The following DYNC1LI1 variants were observed in gnomAD, a reference collection of about 807,000 sequenced individuals.
The protein encoded by DYNC1LI1 is dynein cytoplasmic 1 light intermediate chain 1, also known as cytoplasmic dynein 1 light intermediate chain 1.
In DYNC1LI1, 19 loss-of-function variants were observed where a neutral mutation model predicts 63.8. The observed-to-expected ratio is 0.30, with a 90% CI of 0.21 to 0.44. The LOEUF is 0.44. Among genes scored for constraint, DYNC1LI1 ranks in the 20% least tolerant of loss-of-function variants. The pLI is 1.00. For synonymous variants in DYNC1LI1, 225 were observed against 232.3 expected, an observed-to-expected ratio of 0.97 and a Z score of 0.28; for missense variants, 565 against 630.2, an observed-to-expected ratio of 0.90 and a Z score of 1.11.
intron 2 of DYNC1LI1, among the ~76,000 whole-genome samples, chr3:32,551,641 T>C (rs1419248524): frequency 6.6e-6 from 1 of 152,006 alleles, no homozygotes; most frequent in Non-Finnish European, 1.5e-5. Flanking sequence ...AAAAATGAGG[T>C]AGTTCTGAAC....
chr3:32,547,084 A>G (rs1282388482), intron 2 of DYNC1LI1, among the ~76,000 whole-genome samples: 1 of 152,122 alleles, frequency 6.6e-6, no homozygotes, highest in Admixed American at 6.6e-5. Context: ...TCTACTAAAA[A>G]TACAAAAAAT....
intron 2 of DYNC1LI1, among the ~76,000 whole-genome samples, chr3:32,546,306 G>C (rs1292262874): frequency 6.6e-6 from 1 of 152,124 alleles, no homozygotes; most frequent in Non-Finnish European, 1.5e-5. Context: ...TGCTCAGGAG[G>C]CTGAGGCAGA....
chr3:32,550,706 T>C (rs1002528456), intron 2 of DYNC1LI1, among the ~76,000 whole-genome samples: 1 of 152,228 alleles, frequency 6.6e-6, no homozygotes, highest in Non-Finnish European at 1.5e-5. Flanking sequence ...AGAAGTTTGT[T>C]AAAACACAGA....
chr3:32,562,377 T>C (rs1167794050), intron 2 of DYNC1LI1, among the ~76,000 whole-genome samples: 2 of 152,234 alleles, frequency 1.3e-5, no homozygotes, highest in Non-Finnish European at 2.9e-5. Context: ...TCCCGCTCTG[T>C]CACCCAGGCT....
intron 4 of DYNC1LI1, 62 bp downstream of exon 4, chr3:32,544,814 G>C (rs964120886): frequency 2.5e-6 from 3 of 1,200,288 alleles, no homozygotes; most frequent in Admixed American, 1.8e-5. Context: ...AATTCCTAAT[G>C]ATTAAAGTCA....
At chr3:32,543,293 G>A (rs1473199146) in intron 4 of DYNC1LI1, among the ~76,000 whole-genome samples, 1 of 150,962 alleles carries the variant, frequency 6.6e-6, no homozygotes, top group East Asian at 2.0e-4. Flanking sequence ...TACATTTTAA[G>A]TTTTTACTGT....
At chr3:32,538,718 T>G (rs1387280437) in intron 5 of DYNC1LI1, among the ~76,000 whole-genome samples, 2 of 151,926 alleles carry the variant, frequency 1.3e-5, no homozygotes. Flanking sequence ...AAAAAAATTT[T>G]TTTTAACTGA....
intron 8 of DYNC1LI1, 83 bp from the exon 9 acceptor site, chr3:32,530,603 T>TA: frequency 1.6e-6 from 2 of 1,235,222 alleles, no homozygotes; most frequent in Non-Finnish European, 2.3e-6. Flanking sequence ...TTGGACTAAT[T>TA]AAAAAACAGT....
intron 2 of DYNC1LI1, among the ~76,000 whole-genome samples, chr3:32,563,774 T>C (rs1019327348): frequency 6.6e-6 from 1 of 152,268 alleles, no homozygotes; most frequent in African/African-American, 2.4e-5. Flanking sequence ...TTCTGTTTTC[T>C]GCTTTTGACA....
chr3:32,542,538 G>A (rs932845289), intron 4 of DYNC1LI1, among the ~76,000 whole-genome samples: 12 of 151,908 alleles, frequency 7.9e-5, no homozygotes, highest in African/African-American at 2.9e-4. Context: ...CTCCCAAGGG[G>A]CTGGGACTAC....
Position 32,529,672 on chromosome 3 carries a change from T to C in DYNC1LI1, c.1186-12A>G, listed in dbSNP as rs775951324. On this transcript the variant is annotated splice_polypyrimidine_tract_variant and intron_variant, in intron 10 of 12. Coordinates refer to ENST00000273130, the MANE Select transcript of DYNC1LI1 (RefSeq NM_016141.4). ...CTTGGTGAGGCATCCTATGTAAAAA[T>C]AGGAAAATACAATTATAAAAACCTG... 1.5e-5 allele frequency: 24 copies of C among 1,573,408 alleles called. No individual in the cohort carries two copies. Among genetic ancestry groups the C allele is most frequent in the Non-Finnish European group, 2.1e-5 (24 of 1,163,042 alleles).
chr3:32,537,235 G>C, intron 5 of DYNC1LI1, 131 bp from the exon 6 acceptor site: 2 of 482,284 alleles, frequency 4.1e-6, no homozygotes, highest in Non-Finnish European at 7.2e-6. Context: ...TGAACAGCAG[G>C]ACACAGAATA....
At chr3:32,546,043 A>G in intron 2 of DYNC1LI1, 78 bp from the exon 3 acceptor site, 1 of 971,630 alleles carries the variant, frequency 1.0e-6, no homozygotes, top group Non-Finnish European at 1.5e-6. Flanking sequence ...ACCAAGTGAA[A>G]AACCCAACTG....
At chr3:32,546,310 A>G (rs1697952404) in intron 2 of DYNC1LI1, among the ~76,000 whole-genome samples, 1 of 152,146 alleles carries the variant, frequency 6.6e-6, no homozygotes, top group African/African-American at 2.4e-5. Flanking sequence ...CAGGAGGCTG[A>G]GGCAGAAGAA....
At chr3:32,558,772 GGAGGCA>G (rs1215864741) in intron 2 of DYNC1LI1, among the ~76,000 whole-genome samples, 2 of 152,010 alleles carry the variant, frequency 1.3e-5, no homozygotes, top group Non-Finnish European at 2.9e-5. Context: ...CTTGAACCCA[GGAGGCA>G]GAGGCTGCGG....
intron 2 of DYNC1LI1, among the ~76,000 whole-genome samples, chr3:32,549,061 ATTTC>A (rs910979175): frequency 2.8e-4 from 43 of 152,030 alleles, no homozygotes; most frequent in Admixed American, 1.3e-4. Context: ...ATATAAAAAT[ATTTC>A]TTTCTATTAC....
rs1010464784 is a variant in DYNC1LI1, at chr3:32,570,425, G to A, written c.147-6C>T. The A allele has an allele frequency of 6.9e-6, 11 of 1,595,604 alleles. No individual in the cohort carries two copies. The highest frequency in any genetic ancestry group is 1.4e-5 in the African/African-American group (1 of 74,056). On this transcript the variant is annotated splice_polypyrimidine_tract_variant and splice_region_variant and intron_variant, in intron 1 of 12. Transcript: ENST00000273130. Reference sequence around the variant, plus strand: ...CCTCGCTGAGGATGCAGGACCTAACGGGAAGCAAGGCGTACGGTGAGGCCG... The same window carrying A: ...CCTCGCTGAGGATGCAGGACCTAACAGGAAGCAAGGCGTACGGTGAGGCCG...
At chr3:32,540,049 T>G (rs1420563967) in intron 5 of DYNC1LI1, among the ~76,000 whole-genome samples, 1 of 150,498 alleles carries the variant, frequency 6.6e-6, no homozygotes. Flanking sequence ...GTATTTTTTT[T>G]TGGTAGAGGA....
intron 2 of DYNC1LI1, among the ~76,000 whole-genome samples, chr3:32,555,644 C>G (rs1005646547): frequency 6.6e-6 from 1 of 152,188 alleles, no homozygotes; most frequent in African/African-American, 2.4e-5. Context: ...ATACCAGCCC[C>G]CAATCCATTC....
Sources: allele counts gnomAD v4.1 joint callset (sites outside exome capture counted in the v4.1 genomes callset), GRCh38; gene constraint gnomAD v4.1.1; transcripts MANE v1.5; gene names NCBI Gene and HGNC (gene_info 2026-07-23, HGNC 2026-07-21).